Variants in SPDYE4 observed in about 807,000 individuals in gnomAD.
SPDYE4 encodes the protein speedy protein E4.
Under a neutral mutation model 37.5 loss-of-function variants are expected in SPDYE4, and 30 were observed. That is an observed-to-expected ratio of 0.80 (90% confidence interval 0.60 to 1.09). The LOEUF is 1.09. Ranked by LOEUF, SPDYE4 falls within the 50% of genes least tolerant of loss-of-function variation. The pLI is 0.00. For missense variants in SPDYE4, 300 were observed against 307.9 expected (o/e 0.97, Z 0.19); for synonymous variants, 131 against 120.3 (o/e 1.09, Z -0.58).
chr17:8,753,193 T>C lies in SPDYE4; in HGVS notation c.659A>G (p.Gln220Arg). Residue 220 changes from glutamine (Q) to arginine (R), a missense_variant, in exon 6 of 7, where the codon CAG becomes CGG. Coordinates refer to ENST00000689094, the MANE Select transcript of SPDYE4 (RefSeq NM_001394956.1). The stretch of plus-strand genomic sequence containing the variant: ...CACCCAGTGCTCTGGGTCATAAGCC[T>C]GGATCTGGAAAAACACACACCACTT... Reference protein sequence around the residue: ...WVSPEEMEEIQAYDPEHWVWA... With the variant: ...WVSPEEMEEIRAYDPEHWVWA... 6.2e-7 allele frequency: 1 copy of C among 1,614,070 alleles called. No individual in the cohort carries two copies. Among genetic ancestry groups the C allele is most frequent in the Non-Finnish European group, 8.5e-7 (1 of 1,180,006 alleles).
downstream of SPDYE4, among the ~76,000 whole-genome samples, chr17:8,748,999 C>T (rs937003325): frequency 1.3e-5 from 2 of 152,164 alleles, no homozygotes; most frequent in African/African-American, 4.8e-5. Flanking sequence ...AGAGATGGCA[C>T]TAAACAGGAG....
rs2086727659 is a variant in SPDYE4, at chr17:8,751,432, C to T, written c.*850G>A. 6.6e-6 allele frequency among the ~76,000 whole-genome samples: 1 copy of T among 152,150 alleles called. No homozygotes were observed. Among genetic ancestry groups the T allele is most frequent in the South Asian group, 2.1e-4 (1 of 4,826 alleles). On this transcript the variant is annotated 3_prime_UTR_variant, in exon 7 of 7. Transcript: ENST00000689094. ...TATATGGAAGGCATGTTAAAAATCA[C>T]AACTGAATTCTCACAATTCAGTAAC... is the stretch of plus-strand genomic sequence containing the variant.
downstream of SPDYE4, among the ~76,000 whole-genome samples, chr17:8,749,137 A>C (rs2086709790): frequency 6.7e-6 from 1 of 149,608 alleles, no homozygotes; most frequent in African/African-American, 2.5e-5. Context: ...TCTGTTGCCC[A>C]GGCTGGAGTG....
chr17:8,758,419 C>T lies in SPDYE4; in HGVS notation c.-37G>A. The T allele has an allele frequency of 2.0e-6, 3 of 1,528,844 alleles. No individual in the cohort carries two copies. Among genetic ancestry groups the T allele is most frequent in the Middle Eastern group, 1.7e-4 (1 of 5,956 alleles). The allele number at this position is 1,528,844 out of a possible 1,614,324, so 94.7% of individuals were successfully genotyped here. On this transcript the variant is annotated 5_prime_UTR_variant, in exon 1 of 7. Coordinates refer to ENST00000689094, the MANE Select transcript of SPDYE4 (RefSeq NM_001394956.1). The stretch of plus-strand genomic sequence containing the variant: ...AACACTTTGTTTCTGTCCACAAAAC[C>T]TAGTCCCTGTTCTGTCCAAAGCCTT...
Position 8,753,128 on chromosome 17 carries a change from C to A in SPDYE4, c.*10G>T. ...GGCCGATGACCTCAGGCCTCCATGT[C>A]CCCGGAGCTCTAGGAAATGAGGGTG... On this transcript the variant is annotated 3_prime_UTR_variant, in exon 6 of 7. Coordinates refer to ENST00000689094, the MANE Select transcript of SPDYE4 (RefSeq NM_001394956.1). 6.2e-7 allele frequency: 1 copy of A among 1,614,036 alleles called. No homozygotes were observed. The highest frequency in any genetic ancestry group is 8.5e-7 in the Non-Finnish European group (1 of 1,179,984).
At chr17:8,749,627 G>C (rs1252100197), downstream of SPDYE4, among the ~76,000 whole-genome samples, 1 of 151,758 alleles carries the variant, frequency 6.6e-6, no homozygotes, top group Non-Finnish European at 1.5e-5. Context: ...TTGAACTTCT[G>C]GGCTCAAACC....
intron 5 of SPDYE4, 61 bp downstream of exon 5, chr17:8,753,260 C>T: frequency 6.2e-7 from 1 of 1,609,188 alleles, no homozygotes; most frequent in East Asian, 2.2e-5. Flanking sequence ...CTCTGCCCTC[C>T]TCCAGCCTCC....
chr17:8,754,753 C>T (rs1419548569), intron 4 of SPDYE4, among the ~76,000 whole-genome samples: 3 of 152,134 alleles, frequency 2.0e-5, no homozygotes, highest in Non-Finnish European at 4.4e-5. Flanking sequence ...GGAGGCATTG[C>T]AAAGGCTGTG....
intron 3 of SPDYE4, 33 bp downstream of exon 3, chr17:8,756,345 G>A (rs756342713): frequency 1.2e-6 from 2 of 1,602,532 alleles, no homozygotes; most frequent in Non-Finnish European, 1.7e-6. Flanking sequence ...GTGTGTTAAA[G>A]CAGGAACACA....
intron 2 of SPDYE4, among the ~76,000 whole-genome samples, chr17:8,756,691 T>A (rs1411296082): frequency 6.6e-6 from 1 of 152,186 alleles, no homozygotes; most frequent in Non-Finnish European, 1.5e-5. Flanking sequence ...TAAGCCATGA[T>A]GTCCTCCCAT....
At position 8,757,594 on chromosome 17, in the gene SPDYE4, C is replaced by T. The variant is rs2086784456; in HGVS notation, c.110-102G>A. ...ACTACTCTTCCATCCTCCCAAGCCT[C>T]GCAGACTGTCAGCTTCTCCAAGCCA... On this transcript the variant is annotated intron_variant, in intron 1 of 6. Transcript: ENST00000689094. 13 of 1,207,460 alleles carry T rather than the reference C, an allele frequency of 1.1e-5. 1 individual carries two copies. The highest frequency in any genetic ancestry group is 4.1e-4 in the Middle Eastern group (2 of 4,890). The allele number at this position is 1,207,460 out of a possible 1,614,324, so 74.8% of individuals were successfully genotyped here. A position where few individuals can be genotyped will look rare whatever the true frequency, so the allele number is the denominator to read the frequency against.
chr17:8,756,938 A>G (rs558150182), intron 2 of SPDYE4, among the ~76,000 whole-genome samples: 2 of 152,158 alleles, frequency 1.3e-5, no homozygotes, highest in South Asian at 2.1e-4. Context: ...TTCCTTGTCA[A>G]CCAGGCTGGA....
chr17:8,755,716 AACCTCAGTGTTGGGTG>A, intron 3 of SPDYE4, 111 bp from the exon 4 acceptor site: 1 of 1,338,442 alleles, frequency 7.5e-7, no homozygotes, highest in Non-Finnish European at 1.1e-6. Flanking sequence ...TCACAGAAGG[AACCTCAGTGTTGGGTG>A]ACTATGCTCA....
intron 5 of SPDYE4, 40 bp downstream of exon 5, chr17:8,753,281 A>AAAC: frequency 1.5e-5 from 6 of 388,106 alleles, no homozygotes; most frequent in East Asian, 6.6e-5. Context: ...AGTCCACCCC[A>AAAC]TCCCTCCCCA....
At chr17:8,753,027 G>T in intron 6 of SPDYE4, 67 bp downstream of exon 6, 2 of 1,327,028 alleles carry the variant, frequency 1.5e-6, no homozygotes, top group Non-Finnish European at 2.1e-6. Context: ...GGATCAAGCA[G>T]TTGAGTTCCT....
downstream of SPDYE4, among the ~76,000 whole-genome samples, chr17:8,747,931 C>T (rs562798150): frequency 6.3e-4 from 96 of 152,212 alleles, no homozygotes; most frequent in African/African-American, 2.2e-3. Context: ...TGAGTCATGG[C>T]GGGAGGTGAC....
At chr17:8,750,485 T>G (rs932189718), downstream of SPDYE4, among the ~76,000 whole-genome samples, 1 of 152,206 alleles carries the variant, frequency 6.6e-6, no homozygotes, top group African/African-American at 2.4e-5. Flanking sequence ...CCGAGGCGGA[T>G]GGCTCACGAG....
At chr17:8,749,646 A>G (rs527329311), downstream of SPDYE4, among the ~76,000 whole-genome samples, 2 of 152,196 alleles carry the variant, frequency 1.3e-5, no homozygotes, top group Non-Finnish European at 2.9e-5. Flanking sequence ...CCATCTGCCC[A>G]CCTGGGCCTC....
intron 6 of SPDYE4, 86 bp downstream of exon 6, chr17:8,753,008 C>A: frequency 8.3e-7 from 1 of 1,207,144 alleles, no homozygotes. Context: ...GTTGACCAGG[C>A]TTGAAGCTGG....
Sources: gnomAD v4.1 joint callset for allele counts (sites outside exome capture counted in the v4.1 genomes callset) on GRCh38, gnomAD v4.1.1 for gene constraint, MANE v1.5 for transcripts, NCBI Gene and HGNC (gene_info 2026-07-23, HGNC 2026-07-21) for gene names.